CDH4: variants seen among roughly 807,000 people sequenced by gnomAD.
The protein encoded by CDH4 is cadherin 4, also known as cadherin-4.
In CDH4, 33 loss-of-function variants were observed where a neutral mutation model predicts 86.0. The observed-to-expected ratio is 0.38, with a 90% CI of 0.29 to 0.51. The LOEUF (loss-of-function observed/expected upper bound fraction) is 0.51, where lower values mean the gene tolerates loss of function less well. Among genes scored for constraint, CDH4 ranks in the 20% least tolerant of loss-of-function variants. The pLI is 0.86. For synonymous variants in CDH4, 555 were observed against 549.4 expected, an observed-to-expected ratio of 1.01 and a Z score of -0.14; for missense variants, 1,114 against 1,307.4, an observed-to-expected ratio of 0.85 and a Z score of 2.28.
intron 2 of CDH4, among the ~76,000 whole-genome samples, chr20:61,571,729 C>G (rs2086342934): frequency 6.6e-6 from 1 of 151,858 alleles, no homozygotes; most frequent in Non-Finnish European, 1.5e-5. Flanking sequence ...CCTCCTCCCT[C>G]TCCCCTCCCC....
chr20:61,380,114 C>G (rs2084891808), intron 2 of CDH4, among the ~76,000 whole-genome samples: 1 of 152,188 alleles, frequency 6.6e-6, no homozygotes, highest in South Asian at 2.1e-4. Context: ...TGCTCAGTGA[C>G]AGCCACTGCC....
In CDH4 at chr20:61,393,988, A is replaced by C. The variant is rs1000478084; in HGVS notation, c.169+139051A>C. On this transcript the variant is annotated intron_variant, in intron 2 of 15. Transcript: ENST00000614565. This position sits in a 1 kb window ranked among gnomAD's most constrained non-coding sequence, Gnocchi z 4.3. ...AATCTAATAACATTGCTCTATCTGC[A>C]TAGATCACAGAAGACGTATAATACA... is the stretch of plus-strand genomic sequence containing the variant. 6.6e-6 allele frequency among the ~76,000 whole-genome samples: 1 copy of C among 152,222 alleles called. No individual in the cohort carries two copies. The highest frequency in any genetic ancestry group is 1.5e-5 in the Non-Finnish European group (1 of 68,040).
At chr20:61,793,764 G>A (rs536445397) in intron 4 of CDH4, among the ~76,000 whole-genome samples, 20 of 150,812 alleles carry the variant, frequency 1.3e-4, no homozygotes, top group East Asian at 9.9e-4. Flanking sequence ...GCTTGAACCC[G>A]GGAGGTGGAG....
At chr20:61,385,306 G>T (rs1482830260) in intron 2 of CDH4, among the ~76,000 whole-genome samples, 1 of 152,232 alleles carries the variant, frequency 6.6e-6, no homozygotes, top group African/African-American at 2.4e-5. Flanking sequence ...CCATCCACCT[G>T]GATGGGCCCC....
At chr20:61,408,244 C>CA (rs146572301) in intron 2 of CDH4, among the ~76,000 whole-genome samples, 1 of 152,262 alleles carries the variant, frequency 6.6e-6, no homozygotes, top group African/African-American at 2.4e-5. Flanking sequence ...ATCATACCTG[C>CA]AAAGTCTGTA....
intron 2 of CDH4, among the ~76,000 whole-genome samples, chr20:61,659,431 C>T (rs1277092054): frequency 6.6e-6 from 1 of 152,238 alleles, no homozygotes; most frequent in Non-Finnish European, 1.5e-5. Context: ...TGCCCCCCAC[C>T]TGGGGAGGGG....
chr20:61,411,785 G>T (rs950579929), intron 2 of CDH4, among the ~76,000 whole-genome samples: 2 of 152,196 alleles, frequency 1.3e-5, no homozygotes, highest in Admixed American at 1.3e-4. Context: ...AGCACTGTGG[G>T]CCGATCAGAG....
chr20:61,912,144 A>T (rs1443232753), intron 9 of CDH4, among the ~76,000 whole-genome samples: 1 of 152,204 alleles, frequency 6.6e-6, no homozygotes, highest in Non-Finnish European at 1.5e-5. Flanking sequence ...AAAGGGGGGA[A>T]GAATGGCTCA....
intron 2 of CDH4, among the ~76,000 whole-genome samples, chr20:61,495,448 G>A (rs2085654271): frequency 6.6e-6 from 1 of 152,188 alleles, no homozygotes. Context: ...CTTCCTTGGT[G>A]GTAGCAGCTG....
intron 2 of CDH4, among the ~76,000 whole-genome samples, chr20:61,388,719 G>A (rs1399818896): frequency 1.3e-5 from 2 of 152,212 alleles, no homozygotes; most frequent in African/African-American, 2.4e-5. Flanking sequence ...GGCTACATGT[G>A]TATGGTTTGT....
At chr20:61,354,856 G>A (rs1171721302) in intron 2 of CDH4, among the ~76,000 whole-genome samples, 3 of 152,224 alleles carry the variant, frequency 2.0e-5, no homozygotes, top group Admixed American at 6.5e-5. Context: ...GAGAGCATCT[G>A]TGAGGGGAGA....
In CDH4 at chr20:61,417,068, G is replaced by A. The variant is rs1447406538; in HGVS notation, c.169+162131G>A. On this transcript the variant is annotated intron_variant, in intron 2 of 15. Transcript: ENST00000614565. The surrounding 1 kb of genome is among the most constrained non-coding windows in gnomAD (Gnocchi z 4.0). ...AACACAGCAAGACTGGCGCAGCCTGGCATTACTGCTCAATAGAATAATATG... is the reference window on the plus strand; with the variant it reads ...AACACAGCAAGACTGGCGCAGCCTGACATTACTGCTCAATAGAATAATATG... Among the ~76,000 whole-genome samples the A allele has an allele frequency of 6.6e-6, 1 of 152,128 alleles. No individual in the cohort carries two copies. Among genetic ancestry groups the A allele is most frequent in the Non-Finnish European group, 1.5e-5 (1 of 68,020 alleles).
At chr20:61,936,001 G>A (rs1433901198) in intron 15 of CDH4, among the ~76,000 whole-genome samples, 3 of 151,992 alleles carry the variant, frequency 2.0e-5, no homozygotes, top group Admixed American at 1.3e-4. Flanking sequence ...CTCTCCCAGG[G>A]TCACAGGAGG....
chr20:61,377,431 T>C lies in CDH4; in HGVS notation c.169+122494T>C, dbSNP rs764753441. On this transcript the variant is annotated intron_variant, in intron 2 of 15. Coordinates refer to ENST00000614565, the MANE Select transcript of CDH4 (RefSeq NM_001794.5). This position sits in a 1 kb window ranked among gnomAD's most constrained non-coding sequence, Gnocchi z 4.0. ...CCTGGTTGCCCCATTTCCTTCATCCTCTCTCCACCTCCCTGGTGCCTTTCC... is the reference window on the plus strand; with the variant it reads ...CCTGGTTGCCCCATTTCCTTCATCCCCTCTCCACCTCCCTGGTGCCTTTCC... Among the ~76,000 whole-genome samples the C allele has an allele frequency of 1.3e-5, 2 of 152,026 alleles. No individual in the cohort carries two copies. Among genetic ancestry groups the C allele is most frequent in the Non-Finnish European group, 2.9e-5 (2 of 68,014 alleles).
At chr20:61,860,937 T>C (rs1022912085) in intron 6 of CDH4, among the ~76,000 whole-genome samples, 7 of 152,214 alleles carry the variant, frequency 4.6e-5, no homozygotes, top group Non-Finnish European at 1.0e-4. Flanking sequence ...ACCCTCTGGC[T>C]GTCTGCCTGC....
Position 61,516,036 on chromosome 20 carries a change from C to T in CDH4, c.170-227527C>T, listed in dbSNP as rs2085817171. Among the ~76,000 whole-genome samples the T allele has an allele frequency of 2.6e-5, 4 of 152,164 alleles. No homozygotes were observed. The highest frequency in any genetic ancestry group is 1.3e-4 in the Admixed American group (2 of 15,276). On this transcript the variant is annotated intron_variant, in intron 2 of 15. Coordinates refer to ENST00000614565, the MANE Select transcript of CDH4 (RefSeq NM_001794.5). The surrounding 1 kb of genome is among the most constrained non-coding windows in gnomAD (Gnocchi z 4.0). The stretch of plus-strand genomic sequence containing the variant: ...CCCCATCTTCCCCTGGGCTCTGGAA[C>T]GCCCCCCCAATACGATTCCACCGCA...
At chr20:61,790,372 T>G (rs1379590243) in intron 4 of CDH4, among the ~76,000 whole-genome samples, 3 of 150,266 alleles carry the variant, frequency 2.0e-5, no homozygotes, top group Non-Finnish European at 3.0e-5. Flanking sequence ...CATTCATCTC[T>G]CCACTCATCA....
chr20:61,264,734 C>T (rs1382974814), intron 2 of CDH4, among the ~76,000 whole-genome samples: 11 of 147,878 alleles, frequency 7.4e-5, no homozygotes, highest in African/African-American at 2.8e-4. Context: ...CCAGTGGCTC[C>T]TTCATTCAGT....
chr20:61,369,450 CAAAAAAAA>C (rs144885482), intron 2 of CDH4, among the ~76,000 whole-genome samples: 1 of 56,586 alleles, frequency 1.8e-5, no homozygotes, highest in Non-Finnish European at 3.0e-5. Context: ...GACTCTGTCT[CAAAAAAAA>C]AAAAAAAAAA....
Sources: gnomAD v4.1 joint callset for allele counts (sites outside exome capture counted in the v4.1 genomes callset) on GRCh38, gnomAD v4.1.1 for gene constraint, Gnocchi (gnomAD v3.1) non-coding constraint, MANE v1.5 for transcripts, NCBI Gene and HGNC (gene_info 2026-07-23, HGNC 2026-07-21) for gene names.